The following ERBB3 variants were observed in gnomAD, a reference collection of about 807,000 sequenced individuals.
The protein encoded by ERBB3 is receptor tyrosine-protein kinase erbB-3.
A neutral mutation model predicts 156.7 loss-of-function variants in ERBB3; 96 were observed. That is an observed-to-expected ratio of 0.61 (90% confidence interval 0.52 to 0.73). The LOEUF (loss-of-function observed/expected upper bound fraction) is 0.73, where lower values mean the gene tolerates loss of function less well. Among genes scored for constraint, ERBB3 ranks in the 30% least tolerant of loss-of-function variants. ERBB3 has a pLI of 0.00. For synonymous variants in ERBB3, 567 were observed against 632.0 expected, an observed-to-expected ratio of 0.90 and a Z score of 1.54; for missense variants, 1,406 against 1,709.4, an observed-to-expected ratio of 0.82 and a Z score of 3.13.
Position 56,093,563 on chromosome 12 carries a change from G to T in ERBB3, c.1480+13G>T, listed in dbSNP as rs759756702. On this transcript the variant is annotated intron_variant, in intron 12 of 27. Coordinates refer to ENST00000267101, the MANE Select transcript of ERBB3 (RefSeq NM_001982.4). The stretch of plus-strand genomic sequence containing the variant: ...CGCAGAGACTGCGGTGAGGGAAAGG[G>T]TCTGCTAGGTGGTGAGAATAGGGAG... The T allele has an allele frequency of 1.2e-6, 2 of 1,607,112 alleles. No homozygotes were observed. Among genetic ancestry groups the T allele is most frequent in the Admixed American group, 1.7e-5 (1 of 59,964 alleles).
chr12:56,100,550 G>A (rs879850063), intron 26 of ERBB3, among the ~76,000 whole-genome samples: 3 of 151,810 alleles, frequency 2.0e-5, no homozygotes, highest in Non-Finnish European at 4.4e-5. Flanking sequence ...GCTGAGACAG[G>A]AGAATCGCTT....
chr12:56,086,373 T>C (rs1868487559), intron 3 of ERBB3, 158 bp from the exon 4 acceptor site: 1 of 877,808 alleles, frequency 1.1e-6, no homozygotes, highest in Non-Finnish European at 1.8e-6. Flanking sequence ...CCTCATCTTA[T>C]AAAGGGAGTC....
At position 56,093,704 on chromosome 12, in the gene ERBB3, G is replaced by A. The variant is rs1292444071; in HGVS notation, c.1481-60G>A. On this transcript the variant is annotated intron_variant, in intron 12 of 27. Coordinates refer to ENST00000267101, the MANE Select transcript of ERBB3 (RefSeq NM_001982.4). ...GGAAGCAGTAACGAGGAAGAATAAT[G>A]AAGAGAGGGCTTGCTGGGAGTCCTC... The A allele has an allele frequency of 3.1e-6, 5 of 1,609,296 alleles. No homozygotes were observed. The African/African-American group carries it at 4.0e-5, about 13-fold the overall frequency.
Position 56,101,718 on chromosome 12 carries a change from T to C in ERBB3, c.3692T>C (p.Leu1231Pro). 6.2e-7 allele frequency: 1 copy of C among 1,613,844 alleles called. No individual in the cohort carries two copies. Among genetic ancestry groups the C allele is most frequent in the Non-Finnish European group, 8.5e-7 (1 of 1,179,970 alleles). ...GYEYMDVGSD[L>P]SASLGSTQSC... ...GAGTACATGGATGTGGGGTCAGACC[T>C]CAGTGCCTCTCTGGGCAGCACACAG... Residue 1231 changes from leucine to proline, a missense_variant, in exon 28 of 28, where the codon CTC becomes CCC. Around this residue, in one of 3 missense-constraint regions of ERBB3, gnomAD observed 415 missense variants for 454.1 expected, o/e 0.91. Transcript: ENST00000267101.
rs147436223 is a variant in ERBB3, at chr12:56,101,613, A to G, written c.3587A>G (p.Glu1196Gly). 44 of 1,613,912 alleles carry G rather than the reference A, an allele frequency of 2.7e-5. No individual in the cohort carries two copies. Among genetic ancestry groups the G allele is most frequent in the Non-Finnish European group, 3.6e-5 (43 of 1,180,014 alleles). The change falls in exon 28 of 28, where the codon GAG becomes GGG. Residue 1196 changes from glutamate (E) to glycine (G), a missense_variant. Physicochemically the swap from Glu to Gly is moderately conservative, Grantham distance 98. This residue lies in a region of ERBB3 where 415 missense variants were observed against 454.1 expected (regional missense o/e 0.91). Coordinates refer to ENST00000267101, the MANE Select transcript of ERBB3 (RefSeq NM_001982.4). The stretch of plus-strand genomic sequence containing the variant: ...ACTGAAGAAGAAGATGAAGATGAGG[A>G]GTATGAATACATGAACCGGAGGAGA... Reference protein sequence around the residue: ...LGTEEEDEDEEYEYMNRRRRH... With the variant: ...LGTEEEDEDEGYEYMNRRRRH...
Position 56,103,413 on chromosome 12 carries a change from A to G in ERBB3, c.*1358A>G, listed in dbSNP as rs1473343833. 1 of 214,582 alleles carries G rather than the reference A, an allele frequency of 4.7e-6. No homozygotes were observed. The highest frequency in any genetic ancestry group is 9.4e-6 in the Non-Finnish European group (1 of 106,848). 13.3% of individuals were successfully genotyped at this position (214,582 alleles called of 1,614,324 possible). A position where few individuals can be genotyped will look rare whatever the true frequency, so the allele number is the denominator to read the frequency against. On this transcript the variant is annotated 3_prime_UTR_variant, in exon 28 of 28. Transcript: ENST00000267101. ...CAGCTGCACACCTCTGTCCCCTTGG[A>G]TGGGGAACTAAGGGAAAACGTCTGT...
chr12:56,096,869 G>C lies in ERBB3; in HGVS notation c.2274+23G>C, dbSNP rs759229675. On this transcript the variant is annotated intron_variant, in intron 19 of 27. Transcript: ENST00000267101. ...GATGTAAGTGAAGGAAATTCTGTAT[G>C]CCGCTAGGAGAGAGGACAATATTAG... The C allele has an allele frequency of 1.9e-6, 3 of 1,552,334 alleles. No individual in the cohort carries two copies. In the African/African-American group the frequency reaches 4.1e-5, roughly 21 times the overall value.
intron 9 of ERBB3, among the ~76,000 whole-genome samples, chr12:56,089,740 T>A: frequency 6.6e-6 from 1 of 150,382 alleles, no homozygotes. Flanking sequence ...CGAGACTCTT[T>A]CTCAAAAAAA....
chr12:56,102,279 T>C lies in ERBB3; in HGVS notation c.*224T>C. ...CTCTTTCCCAACCCCAGGAAAGGTT[T>C]TCCTTATTTTGTGTGCTTTCCCAGT... On this transcript the variant is annotated 3_prime_UTR_variant, in exon 28 of 28. Transcript: ENST00000267101. 2 of 558,184 alleles carry C rather than the reference T, an allele frequency of 3.6e-6. No individual in the cohort carries two copies. Among genetic ancestry groups the C allele is most frequent in the Non-Finnish European group, 3.2e-6 (1 of 312,184 alleles). The allele number at this position is 558,184 out of a possible 1,614,324, so 34.6% of individuals were successfully genotyped here.
At chr12:56,100,606 C>T (rs1219154058) in intron 26 of ERBB3, among the ~76,000 whole-genome samples, 4 of 147,888 alleles carry the variant, frequency 2.7e-5, no homozygotes, top group Non-Finnish European at 5.9e-5. Context: ...TGTACCACTG[C>T]ACTCCAGCCT....
chr12:56,100,939 CAAAA>C (rs10536745), intron 26 of ERBB3, 118 bp from the exon 27 acceptor site: 4,224 of 291,110 alleles, frequency 0.015, no homozygotes, highest in East Asian at 0.026. Context: ...GACTCCACCT[CAAAA>C]AAAAAAAAAA....
chr12:56,098,170 C>T (rs1374944548), intron 21 of ERBB3: 3 of 570,990 alleles, frequency 5.3e-6, no homozygotes, highest in Middle Eastern at 4.7e-4. Context: ...TTCGGGAGGC[C>T]AAGGCGGGTG....
In ERBB3 at chr12:56,098,819, C is replaced by T. The variant is rs2136822586; in HGVS notation, c.2753C>T (p.Ala918Val). ...GAGCCCTATGCAGGGCTACGATTGG[C>T]TGAAGTACCAGACCTGCTAGAGAAG... Reference protein sequence around the residue: ...GAEPYAGLRLAEVPDLLEKGE... With the variant: ...GAEPYAGLRLVEVPDLLEKGE... The change falls in exon 23 of 28, where the codon GCT (alanine) becomes GTT (valine). Residue 918 changes from alanine to valine, a missense_variant. Physicochemically the swap from Ala to Val is moderately conservative, Grantham distance 64. Coordinates refer to ENST00000267101, the MANE Select transcript of ERBB3 (RefSeq NM_001982.4). 6.2e-7 allele frequency: 1 copy of T among 1,614,054 alleles called. No homozygotes were observed. The highest frequency in any genetic ancestry group is 8.5e-7 in the Non-Finnish European group (1 of 1,179,916).
rs758578409 is a variant in ERBB3, at chr12:56,097,160, A to G, written c.2390A>G (p.Asp797Gly). ...TATTTGCCTCTGGGTTCTCTGCTGG[A>G]TCATGTGAGACAACACCGGGGGGCA... Reference protein sequence around the residue: ...TQYLPLGSLLDHVRQHRGALG... With the variant: ...TQYLPLGSLLGHVRQHRGALG... The change falls in exon 20 of 28, where the codon GAT becomes GGT. Residue 797 changes from aspartate to glycine, a missense_variant. Around this residue, in one of 3 missense-constraint regions of ERBB3, gnomAD observed 979 missense variants for 1,219.6 expected, o/e 0.80. Coordinates refer to ENST00000267101, the MANE Select transcript of ERBB3 (RefSeq NM_001982.4). The G allele has an allele frequency of 6.2e-7, 1 of 1,614,100 alleles. No homozygotes were observed. The highest frequency in any genetic ancestry group is 1.1e-5 in the South Asian group (1 of 91,088).
chr12:56,085,298 T>G, intron 3 of ERBB3, 117 bp downstream of exon 3: 14 of 1,587,094 alleles, frequency 8.8e-6, no homozygotes, highest in Non-Finnish European at 1.2e-5. Context: ...GCCTGTCACC[T>G]TGGCCGCTGT....
chr12:56,095,598 A>G, intron 16 of ERBB3, 67 bp from the exon 17 acceptor site: 9 of 1,582,498 alleles, frequency 5.7e-6, no homozygotes, highest in Non-Finnish European at 7.8e-6. Context: ...CTTCAACACA[A>G]GTATAGTTGA....
At position 56,086,670 on chromosome 12, in the gene ERBB3, A is replaced by G; in HGVS notation, c.547+14A>G. The G allele has an allele frequency of 6.2e-7, 1 of 1,613,870 alleles. No individual in the cohort carries two copies. Among genetic ancestry groups the G allele is most frequent in the African/African-American group, 1.3e-5 (1 of 75,010 alleles). ...ATGGCAGAAGCTGTAAGTGGCCGTG[A>G]TCAAGATTGCTCCCCAGTCCCACCA... is the stretch of plus-strand genomic sequence containing the variant. On this transcript the variant is annotated intron_variant, in intron 4 of 27. Transcript: ENST00000267101.
At chr12:56,091,283 T>TATAAATAATATATATAAATATAA (rs1868678379) in intron 9 of ERBB3, among the ~76,000 whole-genome samples, 3 of 51,748 alleles carry the variant, frequency 5.8e-5, no homozygotes, top group South Asian at 5.2e-4. Flanking sequence ...TATATATATA[T>TATAAATAATATATATAAATATAA]ATATATATAT....
At chr12:56,085,278 C>T (rs867431245) in intron 3 of ERBB3, 97 bp downstream of exon 3, 2 of 1,601,700 alleles carry the variant, frequency 1.2e-6, no homozygotes, top group Middle Eastern at 1.7e-4. Flanking sequence ...CTAAGTGCCT[C>T]TTCCAAGGTG....
Sources: gnomAD v4.1 joint callset for allele counts (sites outside exome capture counted in the v4.1 genomes callset) on GRCh38, gnomAD v4.1.1 for gene constraint, gnomAD v4.1.1 regional missense constraint, MANE v1.5 for transcripts, NCBI Gene and HGNC (gene_info 2026-07-23, HGNC 2026-07-21) for gene names.